The following TBC1D5 variants were observed in gnomAD, a reference collection of about 807,000 sequenced individuals.
TBC1D5 encodes the protein TBC1 domain family, member 5.
In TBC1D5, 75 loss-of-function variants were observed where a neutral mutation model predicts 100.3. That is an observed-to-expected ratio of 0.75 (90% confidence interval 0.62 to 0.91). The LOEUF (loss-of-function observed/expected upper bound fraction) is 0.91, where lower values mean the gene tolerates loss of function less well. TBC1D5 is among the 40% of genes least tolerant of loss of function. TBC1D5 has a pLI of 0.00. For synonymous variants in TBC1D5, 323 were observed against 325.6 expected (o/e 0.99, Z 0.09); for missense variants, 910 against 942.4 (o/e 0.97, Z 0.45).
chr3:17,546,535 G>A (rs1359480949), intron 2 of TBC1D5, among the ~76,000 whole-genome samples: 2 of 151,878 alleles, frequency 1.3e-5, no homozygotes, highest in African/African-American at 2.4e-5. Flanking sequence ...AGGCTGAGGC[G>A]GGTGGATTGC....
At chr3:17,477,214 T>G (rs2095447988) in intron 3 of TBC1D5, among the ~76,000 whole-genome samples, 1 of 152,006 alleles carries the variant, frequency 6.6e-6, no homozygotes, top group Non-Finnish European at 1.5e-5. Context: ...CCCTAAGTAC[T>G]AACCTTGCAT....
chr3:17,402,261 C>T (rs1452089840), intron 8 of TBC1D5, among the ~76,000 whole-genome samples: 1 of 152,060 alleles, frequency 6.6e-6, no homozygotes, highest in Admixed American at 6.6e-5. Flanking sequence ...AGCGAGAGGC[C>T]TTGACATTAT....
intron 3 of TBC1D5, among the ~76,000 whole-genome samples, chr3:17,466,413 C>T (rs2095302581): frequency 6.6e-6 from 1 of 152,196 alleles, no homozygotes; most frequent in South Asian, 2.1e-4. Flanking sequence ...CAACAAGTTC[C>T]TCAACTGAGA....
chr3:17,229,159 G>A (rs2075187762), intron 17 of TBC1D5, among the ~76,000 whole-genome samples: 1 of 152,070 alleles, frequency 6.6e-6, no homozygotes, highest in Admixed American at 6.6e-5. Flanking sequence ...GTATAACCTA[G>A]ATAAGCAGAA....
At chr3:17,185,133 C>T (rs1396253492) in exon 19 of TBC1D5, 1 of 1,613,032 alleles carries the variant, frequency 6.2e-7, no homozygotes, top group Admixed American at 1.7e-5. Flanking sequence ...ATCACCTTTG[C>T]ACAGTATTTG....
chr3:17,265,759 T>C (rs576014266), intron 15 of TBC1D5, among the ~76,000 whole-genome samples: 1 of 152,252 alleles, frequency 6.6e-6, no homozygotes, highest in East Asian at 1.9e-4. Context: ...AGTGCAGAGA[T>C]GCCATGGCAC....
At chr3:17,340,987 T>C (rs1174853699) in intron 13 of TBC1D5, among the ~76,000 whole-genome samples, 3 of 152,194 alleles carry the variant, frequency 2.0e-5, no homozygotes, top group South Asian at 2.1e-4. Flanking sequence ...AAATGTCACA[T>C]TAATATTTAC....
chr3:17,612,833 A>C (rs931654922), intron 2 of TBC1D5, among the ~76,000 whole-genome samples: 4 of 151,696 alleles, frequency 2.6e-5, no homozygotes, highest in African/African-American at 9.7e-5. Context: ...AAACAGTTAC[A>C]CTTCTATACA....
intron 18 of TBC1D5, among the ~76,000 whole-genome samples, chr3:17,190,899 T>C (rs2069794509): frequency 6.6e-6 from 1 of 151,888 alleles, no homozygotes; most frequent in African/African-American, 2.4e-5. Flanking sequence ...CTTGAGCAGA[T>C]GGGTGAACAA....
At chr3:17,322,227 A>G (rs2085503714) in intron 13 of TBC1D5, among the ~76,000 whole-genome samples, 1 of 152,220 alleles carries the variant, frequency 6.6e-6, no homozygotes, top group Non-Finnish European at 1.5e-5. Context: ...ATCATTACAC[A>G]TACCTTCATT....
intron 2 of TBC1D5, among the ~76,000 whole-genome samples, chr3:17,542,137 T>A (rs114717504): frequency 0.061 from 9,238 of 151,868 alleles, 548 homozygotes; most frequent in African/African-American, 0.15. Flanking sequence ...GAATTTTTTT[T>A]AAATTAGCCT....
chr3:17,510,098 G>A (rs924381744), intron 2 of TBC1D5, among the ~76,000 whole-genome samples: 1 of 148,334 alleles, frequency 6.7e-6, no homozygotes, highest in Non-Finnish European at 1.5e-5. Context: ...AGAAAAAGAG[G>A]AAATAAGAGA....
chr3:17,501,270 A>G lies in TBC1D5; in HGVS notation c.97+7204T>C, dbSNP rs749344189. On this transcript the variant is annotated intron_variant, in intron 3 of 21. Transcript: ENST00000253692. ...TATAGATCCAAATTATTACACAGAA[A>G]TAATGGAGCATTGAGCTGCTTTATT... Among the ~76,000 whole-genome samples, 8 of 149,396 alleles carry G rather than the reference A, an allele frequency of 5.4e-5. 1 individual carries two copies. The highest frequency in any genetic ancestry group is 7.6e-5 in the African/African-American group (3 of 39,258).
At chr3:17,689,051 T>C (rs1246207661) in intron 1 of TBC1D5, among the ~76,000 whole-genome samples, 1 of 152,218 alleles carries the variant, frequency 6.6e-6, no homozygotes, top group Non-Finnish European at 1.5e-5. Context: ...AGTCTCATAA[T>C]TTAGAATGCT....
At chr3:17,449,982 C>G (rs2094887914) in intron 3 of TBC1D5, among the ~76,000 whole-genome samples, 1 of 152,150 alleles carries the variant, frequency 6.6e-6, no homozygotes. Context: ...TATAGGAGAG[C>G]TCCGGCTGGC....
At chr3:17,462,295 TG>T (rs1222411520) in intron 3 of TBC1D5, among the ~76,000 whole-genome samples, 1 of 151,510 alleles carries the variant, frequency 6.6e-6, no homozygotes, top group African/African-American at 2.4e-5. Context: ...ATTACCCACG[TG>T]CTATATTTAA....
intron 1 of TBC1D5, among the ~76,000 whole-genome samples, chr3:17,719,078 C>A (rs2075476526): frequency 6.6e-6 from 1 of 151,982 alleles, no homozygotes; most frequent in African/African-American, 2.4e-5. Flanking sequence ...TTGCTTCCAC[C>A]AAAGTTTTCA....
intron 18 of TBC1D5, among the ~76,000 whole-genome samples, chr3:17,199,219 C>T (rs2071130121): frequency 6.6e-6 from 1 of 152,148 alleles, no homozygotes; most frequent in Non-Finnish European, 1.5e-5. Context: ...GAAGTCTGGT[C>T]ATAACAGAGG....
intron 2 of TBC1D5, among the ~76,000 whole-genome samples, chr3:17,530,265 G>GA (rs1485847714): frequency 6.7e-6 from 1 of 149,660 alleles, no homozygotes; most frequent in Non-Finnish European, 1.5e-5. Flanking sequence ...AAAAAAAAGG[G>GA]AAAAAACTGA....
Sources: gnomAD v4.1 joint callset for allele counts (sites outside exome capture counted in the v4.1 genomes callset) on GRCh38, gnomAD v4.1.1 for gene constraint, MANE v1.5 for transcripts, NCBI Gene and HGNC (gene_info 2026-07-23, HGNC 2026-07-21) for gene names.